Variants in LPP observed in about 807,000 individuals in gnomAD.
LPP encodes the protein LIM domain containing preferred translocation partner in lipoma, also known as lipoma-preferred partner.
LPP carries 38 observed loss-of-function variants against 60.4 expected under a neutral mutation model. That is an observed-to-expected ratio of 0.63 (90% CI 0.49 to 0.83). LPP has a LOEUF of 0.83. Among genes scored for constraint, LPP ranks in the 40% least tolerant of loss-of-function variants. The pLI, the probability that LPP is intolerant of heterozygous loss-of-function variation, is 0.00. For synonymous variants in LPP, 328 were observed against 290.8 expected (o/e 1.13, Z -1.30); for missense variants, 902 against 783.6 (o/e 1.15, Z -1.80).
At chr3:188,630,644 C>A (rs9826998) in intron 7 of LPP, among the ~76,000 whole-genome samples, 20,092 of 152,072 alleles carry the variant, frequency 0.13, 1,376 homozygotes, top group South Asian at 0.16. Flanking sequence ...ATAAATTGTT[C>A]TATTAAGTTG....
At chr3:188,623,779 G>C (rs1846265308) in intron 7 of LPP, among the ~76,000 whole-genome samples, 2 of 152,176 alleles carry the variant, frequency 1.3e-5, no homozygotes, top group Admixed American at 1.3e-4. Flanking sequence ...CTTTTATCTT[G>C]AGCAGGACAT....
intron 9 of LPP, among the ~76,000 whole-genome samples, chr3:188,834,136 C>T (rs1577867919): frequency 6.6e-6 from 1 of 152,048 alleles, no homozygotes; most frequent in African/African-American, 2.4e-5. Context: ...AAGTTTTCTT[C>T]CCCTTTGGTC....
chr3:188,227,854 G>A (rs895666906), intron 2 of LPP, among the ~76,000 whole-genome samples: 7 of 152,310 alleles, frequency 4.6e-5, no homozygotes, highest in Admixed American at 1.3e-4. Context: ...AGTCATTGAA[G>A]CCAAGAGAAT....
chr3:188,881,139 CAAAAAA>C lies in LPP; in HGVS notation c.*6674_*6679del, dbSNP rs11328247. ...TGGGCGAAAGAGCGAGACTCCGTCTCAAAAAAAAAAAAAAAAAAATAGGATCATGGC... is the reference window on the plus strand; with the variant it reads ...TGGGCGAAAGAGCGAGACTCCGTCTCAAAAAAAAAAAAATAGGATCATGGC... On this transcript the variant is annotated 3_prime_UTR_variant, in exon 12 of 12. Coordinates refer to ENST00000617246, the MANE Select transcript of LPP (RefSeq NM_001375462.1). 4 of 72,602 alleles carry C rather than the reference CAAAAAA, an allele frequency of 5.5e-5. No homozygotes were observed. Among genetic ancestry groups the C allele is most frequent in the Admixed American group, 1.5e-4 (1 of 6,476 alleles). The allele number at this position is 72,602 out of a possible 1,614,324, so 4.5% of individuals were successfully genotyped here.
At chr3:188,787,421 T>TAC (rs987535434) in intron 9 of LPP, among the ~76,000 whole-genome samples, 8 of 151,282 alleles carry the variant, frequency 5.3e-5, no homozygotes, top group African/African-American at 1.9e-4. Context: ...CTCTCTCTCT[T>TAC]ACACACACAC....
At chr3:188,760,044 C>T in intron 8 of LPP, 69 bp from the exon 9 acceptor site, 1 of 1,416,348 alleles carries the variant, frequency 7.1e-7, no homozygotes, top group Non-Finnish European at 9.9e-7. Context: ...CCTGCTTTCT[C>T]CTCCACTTTG....
At chr3:188,645,118 T>G (rs1226007956) in intron 7 of LPP, among the ~76,000 whole-genome samples, 2 of 152,236 alleles carry the variant, frequency 1.3e-5, no homozygotes, top group African/African-American at 4.8e-5. Context: ...GTTATTTTTA[T>G]TATCGTTGTA....
At chr3:188,362,299 ATCT>A (rs2150961261) in intron 3 of LPP, among the ~76,000 whole-genome samples, 1 of 152,332 alleles carries the variant, frequency 6.6e-6, no homozygotes, top group African/African-American at 2.4e-5. Flanking sequence ...ATATGAGAAT[ATCT>A]TCTCCAAAGA....
chr3:188,666,020 C>T (rs576224844), intron 7 of LPP, among the ~76,000 whole-genome samples: 2 of 152,304 alleles, frequency 1.3e-5, no homozygotes, highest in Admixed American at 1.3e-4. Flanking sequence ...ATCCCTTTGA[C>T]ATTTTGCCAT....
intron 2 of LPP, among the ~76,000 whole-genome samples, chr3:188,284,589 G>A (rs1359831613): frequency 6.6e-6 from 1 of 152,172 alleles, no homozygotes; most frequent in African/African-American, 2.4e-5. Context: ...TAGGTGAAAT[G>A]AAGGGATGGT....
At chr3:188,384,647 A>G (rs891174310) in intron 3 of LPP, among the ~76,000 whole-genome samples, 1 of 151,940 alleles carries the variant, frequency 6.6e-6, no homozygotes, top group African/African-American at 2.4e-5. Flanking sequence ...AAAATCAGTC[A>G]GGCATGGTGG....
chr3:188,571,600 C>T (rs938138788), intron 6 of LPP, among the ~76,000 whole-genome samples: 1 of 151,950 alleles, frequency 6.6e-6, no homozygotes, highest in South Asian at 2.1e-4. Context: ...GTCTTATGCC[C>T]CCACCATCAA....
rs529647921 is a variant in LPP at position 188,637,336 on chromosome 3, CCAGAGTCTCTGGGA to C, written c.1113+27494_1113+27507del. Among the ~76,000 whole-genome samples the C allele has an allele frequency of 3.9e-3, 588 of 152,182 alleles. 1 individual carries two copies. The highest frequency in any genetic ancestry group is 0.014 in the African/African-American group (562 of 41,498). ...CCAATGAGAACAAAGGCACAACATACCAGAGTCTCTGGGACGCATTCAAAACAGTGTGTAGAGGG... is the reference window on the plus strand; with the variant it reads ...CCAATGAGAACAAAGGCACAACATACCGCATTCAAAACAGTGTGTAGAGGG... On this transcript the variant is annotated intron_variant, in intron 7 of 11. Transcript: ENST00000617246.
chr3:188,250,751 T>C (rs938212418), intron 2 of LPP, among the ~76,000 whole-genome samples: 3 of 116,120 alleles, frequency 2.6e-5, no homozygotes, highest in African/African-American at 8.0e-5. Context: ...TCTTTCTTTC[T>C]TTCTTTCTTT....
chr3:188,456,163 G>A (rs1000167967), intron 4 of LPP, among the ~76,000 whole-genome samples: 10 of 152,172 alleles, frequency 6.6e-5, no homozygotes, highest in South Asian at 2.1e-4. Context: ...GATTACAGGC[G>A]TGAGCCAATG....
intron 1 of LPP, among the ~76,000 whole-genome samples, chr3:188,192,391 C>T (rs1369169823): frequency 2.0e-5 from 3 of 152,148 alleles, no homozygotes; most frequent in Admixed American, 6.5e-5. Context: ...TGAGCACAGT[C>T]GTCCTGTTAA....
chr3:188,700,708 TG>T (rs1359693113), intron 7 of LPP, among the ~76,000 whole-genome samples: 1 of 152,232 alleles, frequency 6.6e-6, no homozygotes, highest in Admixed American at 6.5e-5. Flanking sequence ...AATGAAGTTC[TG>T]GATGTTTCAG....
intron 5 of LPP, among the ~76,000 whole-genome samples, chr3:188,523,524 C>A (rs1222692866): frequency 1.3e-5 from 2 of 152,246 alleles, no homozygotes; most frequent in African/African-American, 4.8e-5. Context: ...CTTGCTTCAA[C>A]ATATTCACTA....
intron 4 of LPP, among the ~76,000 whole-genome samples, chr3:188,474,064 T>C (rs1802522781): frequency 6.6e-6 from 1 of 152,248 alleles, no homozygotes; most frequent in South Asian, 2.1e-4. Context: ...TTGTTGACCT[T>C]ATGTCAATAT....
Sources: gnomAD v4.1 joint callset for allele counts (sites outside exome capture counted in the v4.1 genomes callset) on GRCh38, gnomAD v4.1.1 for gene constraint, MANE v1.5 for transcripts, NCBI Gene and HGNC (gene_info 2026-07-23, HGNC 2026-07-21) for gene names.